The following RASA1 variants were observed in gnomAD, a reference collection of about 807,000 sequenced individuals.
RASA1 encodes RAS p21 protein activator 1, also known as ras GTPase-activating protein 1.
In RASA1, 25 loss-of-function variants were observed where a neutral mutation model predicts 132.2. That is an observed-to-expected ratio of 0.19 (90% CI 0.14 to 0.26). RASA1 has a LOEUF of 0.26. Among genes scored for constraint, RASA1 ranks in the 10% least tolerant of loss-of-function variants. The pLI is 1.00. For synonymous variants in RASA1, 477 were observed against 449.9 expected, an observed-to-expected ratio of 1.06 and a Z score of -0.76; for missense variants, 964 against 1,299.2, an observed-to-expected ratio of 0.74 and a Z score of 3.97.
intron 18 of RASA1, 142 bp from the exon 19 acceptor site, chr5:87,379,593 C>A: frequency 8.5e-7 from 1 of 1,170,232 alleles, no homozygotes; most frequent in South Asian, 1.6e-5. Context: ...TAAAAACTCC[C>A]ATTATACAAA....
chr5:87,284,395 G>T lies in RASA1; in HGVS notation c.539+15405G>T, dbSNP rs563778362. 1.3e-4 allele frequency among the ~76,000 whole-genome samples: 20 copies of T among 152,310 alleles called. No homozygotes were observed. In the South Asian group the frequency reaches 2.5e-3, roughly 19 times the overall value. On this transcript the variant is annotated intron_variant, in intron 1 of 24. Transcript: ENST00000274376. ...TAAGCTTAGTTGTTCACTCACATCA[G>T]TTGGGTTTTAGGGTGGCTGCCAAAG...
intron 3 of RASA1, among the ~76,000 whole-genome samples, 191 bp from the exon 4 acceptor site, chr5:87,333,076 T>A (rs1332063378): frequency 6.6e-6 from 1 of 152,058 alleles, no homozygotes; most frequent in African/African-American, 2.4e-5. Flanking sequence ...TAAAATATGA[T>A]TTTCATAAAA....
intron 1 of RASA1, among the ~76,000 whole-genome samples, chr5:87,324,761 T>C (rs1757099172): frequency 6.6e-6 from 1 of 152,144 alleles, no homozygotes; most frequent in Middle Eastern, 3.2e-3. Flanking sequence ...GTTTAAGTGA[T>C]GTGTAGTTGG....
intron 7 of RASA1, among the ~76,000 whole-genome samples, chr5:87,347,604 A>G (rs1361216898): frequency 6.6e-6 from 1 of 152,004 alleles, no homozygotes; most frequent in Non-Finnish European, 1.5e-5. Flanking sequence ...AATTGTTTTA[A>G]TCCATAAAGC....
chr5:87,357,005 T>G (rs1051510832), intron 9 of RASA1, among the ~76,000 whole-genome samples: 2 of 152,204 alleles, frequency 1.3e-5, no homozygotes, highest in African/African-American at 2.4e-5. Flanking sequence ...ATTGAATGAA[T>G]GATTCTCTGC....
At chr5:87,353,313 T>G in intron 9 of RASA1, 78 bp downstream of exon 9, 1 of 1,144,698 alleles carries the variant, frequency 8.7e-7, no homozygotes, top group Non-Finnish European at 1.3e-6. Flanking sequence ...TTGCACACAT[T>G]TGTACAATTC....
intron 1 of RASA1, among the ~76,000 whole-genome samples, chr5:87,324,811 T>A (rs1757104122): frequency 6.6e-6 from 1 of 152,200 alleles, no homozygotes; most frequent in Non-Finnish European, 1.5e-5. Flanking sequence ...GCCTAGTGGT[T>A]GTTCAAGTGA....
intron 8 of RASA1, among the ~76,000 whole-genome samples, chr5:87,351,217 T>G (rs1759245936): frequency 2.6e-5 from 4 of 151,670 alleles, no homozygotes; most frequent in Admixed American, 2.6e-4. Context: ...AATAGCAAAT[T>G]TAATTCAGCA....
chr5:87,379,354 AC>A (rs1761546161), intron 18 of RASA1, among the ~76,000 whole-genome samples: 1 of 152,170 alleles, frequency 6.6e-6, no homozygotes, highest in East Asian at 1.9e-4. Flanking sequence ...CTCTGCTGAC[AC>A]TAGATCAGAA....
At chr5:87,314,994 T>C (rs1485228607) in intron 1 of RASA1, among the ~76,000 whole-genome samples, 1 of 152,228 alleles carries the variant, frequency 6.6e-6, no homozygotes, top group Non-Finnish European at 1.5e-5. Flanking sequence ...TTACACCTTT[T>C]TGAGGGCATT....
intron 1 of RASA1, among the ~76,000 whole-genome samples, chr5:87,272,951 A>C (rs889622939): frequency 1.3e-5 from 2 of 152,196 alleles, no homozygotes; most frequent in African/African-American, 4.8e-5. Context: ...GAAATGTTGG[A>C]CTAAATACTG....
chr5:87,376,497 C>T lies in RASA1; in HGVS notation c.2116C>T (p.Leu706=), dbSNP rs758290164. The change falls in exon 16 of 25, where the codon CTG becomes TTG. Residue 706 remains leucine, a synonymous_variant. Transcript: ENST00000274376. ...IPLKGIEPGS[L]RVRARYSMEK... is the part of the protein sequence containing the mutation. ...ATTAAAAGGTATTGAACCAGGGTCCCTGCGTGTTCGAGCACGATACTCTAT... is the reference window on the plus strand; with the variant it reads ...ATTAAAAGGTATTGAACCAGGGTCCTTGCGTGTTCGAGCACGATACTCTAT... The T allele has an allele frequency of 3.1e-6, 5 of 1,613,910 alleles. No individual in the cohort carries two copies. In the African/African-American group the frequency reaches 6.7e-5, roughly 22 times the overall value.
intron 1 of RASA1, among the ~76,000 whole-genome samples, chr5:87,275,328 C>G: frequency 6.6e-6 from 1 of 152,184 alleles, no homozygotes; most frequent in Non-Finnish European, 1.5e-5. Flanking sequence ...TTATCTATTG[C>G]TGCATAATAA....
At position 87,324,605 on chromosome 5, in the gene RASA1, C is replaced by T. The variant is rs1035459017; in HGVS notation, c.540-6743C>T. On this transcript the variant is annotated intron_variant, in intron 1 of 24. Transcript: ENST00000274376. ...AAAGGAAACAGCATTTCTGCCCTTA[C>T]TTTGAACTAACTTGATCTGAGATAA... is the stretch of plus-strand genomic sequence containing the variant. 4.6e-5 allele frequency among the ~76,000 whole-genome samples: 7 copies of T among 152,170 alleles called. No homozygotes were observed. The East Asian group carries it at 1.3e-3, about 29-fold the overall frequency.
At chr5:87,294,833 G>T (rs944010611) in intron 1 of RASA1, among the ~76,000 whole-genome samples, 5 of 152,210 alleles carry the variant, frequency 3.3e-5, no homozygotes, top group African/African-American at 1.2e-4. Flanking sequence ...GTTGTTGGAT[G>T]AAGTAGTCTA....
intron 13 of RASA1, 46 bp downstream of exon 13, chr5:87,372,241 AAC>A: frequency 6.5e-7 from 1 of 1,532,156 alleles, no homozygotes; most frequent in East Asian, 2.3e-5. Flanking sequence ...ATTTTGCTCT[AAC>A]ACTTTGCTCT....
intron 3 of RASA1, 68 bp downstream of exon 3, chr5:87,332,710 G>T: frequency 7.0e-7 from 1 of 1,426,954 alleles, no homozygotes; most frequent in Non-Finnish European, 9.7e-7. Context: ...TTTAGCTATT[G>T]CTCAGTTTCT....
At chr5:87,293,285 C>G (rs1352323741) in intron 1 of RASA1, among the ~76,000 whole-genome samples, 4 of 151,636 alleles carry the variant, frequency 2.6e-5, no homozygotes, top group Non-Finnish European at 4.4e-5. Context: ...AAGTTCCCTT[C>G]TATTCCTAAT....
In RASA1 at chr5:87,376,026, T is replaced by A. The variant is rs1032242209; in HGVS notation, c.2012-367T>A. The stretch of plus-strand genomic sequence containing the variant: ...CCGCTCAAGGGTTACCTGTTTAAAG[T>A]GGAGTTTTCACCTCCACAGGCTGAA... On this transcript the variant is annotated intron_variant, in intron 15 of 24. Transcript: ENST00000274376. 3.3e-5 allele frequency among the ~76,000 whole-genome samples: 5 copies of A among 152,306 alleles called. No homozygotes were observed. In the East Asian group the frequency reaches 9.6e-4, roughly 29 times the overall value.
Sources: allele counts gnomAD v4.1 joint callset (sites outside exome capture counted in the v4.1 genomes callset), GRCh38; gene constraint gnomAD v4.1.1; transcripts MANE v1.5; gene names NCBI Gene and HGNC (gene_info 2026-07-23, HGNC 2026-07-21).